The following SNTG1 variants were observed in gnomAD, a reference collection of about 807,000 sequenced individuals.
SNTG1 encodes syntrophin gamma 1.
In SNTG1, 39 loss-of-function variants were observed where a neutral mutation model predicts 74.7. The ratio of observed to expected loss-of-function variants is 0.52; its 90% CI spans 0.40 to 0.68. The LOEUF (loss-of-function observed/expected upper bound fraction) is 0.68, where lower values mean the gene tolerates loss of function less well. Among genes scored for constraint, SNTG1 ranks in the 30% least tolerant of loss-of-function variants. SNTG1 has a pLI of 0.00. For synonymous variants in SNTG1, 254 were observed against 217.1 expected (o/e 1.17, Z -1.49); for missense variants, 685 against 609.5 (o/e 1.12, Z -1.30).
chr8:50,023,466 A>T (rs558446927), intron 1 of SNTG1, among the ~76,000 whole-genome samples: 1 of 152,278 alleles, frequency 6.6e-6, no homozygotes, highest in South Asian at 2.1e-4. Context: ...ATAACTTTCC[A>T]ATCACAGTAG....
chr8:50,515,387 GTTTTTTTTTTTTT>G (rs34086906), intron 9 of SNTG1, among the ~76,000 whole-genome samples: 28 of 80,384 alleles, frequency 3.5e-4, no homozygotes, highest in Non-Finnish European at 4.9e-4. Flanking sequence ...AGCTGCAGGA[GTTTTTTTTTTTTT>G]TTTTTTTTTT....
chr8:50,341,260 T>C (rs1280856874), intron 2 of SNTG1, among the ~76,000 whole-genome samples: 1 of 151,916 alleles, frequency 6.6e-6, no homozygotes, highest in Admixed American at 6.6e-5. Flanking sequence ...TCAGTACTAT[T>C]AAAATAGGCA....
chr8:50,630,313 G>T (rs1000061546), intron 13 of SNTG1, among the ~76,000 whole-genome samples: 11 of 152,108 alleles, frequency 7.2e-5, no homozygotes, highest in African/African-American at 2.2e-4. Context: ...TTAGTTTAAG[G>T]TTTTTAAGAA....
intron 18 of SNTG1, among the ~76,000 whole-genome samples, chr8:50,760,744 C>T (rs975309655): frequency 6.6e-6 from 1 of 152,052 alleles, no homozygotes; most frequent in Non-Finnish European, 1.5e-5. Flanking sequence ...ACTATAAACA[C>T]CTCTATGCAA....
At chr8:50,427,081 C>T (rs2093172702) in intron 4 of SNTG1, among the ~76,000 whole-genome samples, 1 of 152,020 alleles carries the variant, frequency 6.6e-6, no homozygotes, top group Non-Finnish European at 1.5e-5. Context: ...GTCAATCCCC[C>T]ACAGATACTG....
intron 13 of SNTG1, among the ~76,000 whole-genome samples, chr8:50,630,773 T>C (rs1257310406): frequency 1.3e-5 from 2 of 152,208 alleles, no homozygotes; most frequent in Non-Finnish European, 2.9e-5. Context: ...TCTTTATTTA[T>C]GTGCAAGTGA....
chr8:49,945,659 A>C (rs1392303120), intron 1 of SNTG1, among the ~76,000 whole-genome samples: 1 of 152,172 alleles, frequency 6.6e-6, no homozygotes, highest in Non-Finnish European at 1.5e-5. Context: ...GGCCCAGGCT[A>C]AAGGGGCAGC....
At chr8:50,006,967 T>A (rs1392964552) in intron 1 of SNTG1, among the ~76,000 whole-genome samples, 1 of 152,126 alleles carries the variant, frequency 6.6e-6, no homozygotes, top group African/African-American at 2.4e-5. Context: ...CCTAGGGGAC[T>A]AAGTGGCTTC....
intron 1 of SNTG1, among the ~76,000 whole-genome samples, chr8:49,926,903 A>G (rs565672079): frequency 1.6e-4 from 24 of 152,330 alleles, no homozygotes; most frequent in South Asian, 6.2e-4. Context: ...ATAGGAAAAT[A>G]AACCAACCAA....
intron 1 of SNTG1, among the ~76,000 whole-genome samples, chr8:50,040,850 T>A (rs1438156098): frequency 2.0e-5 from 3 of 152,208 alleles, no homozygotes. Context: ...TGTTTAAAAG[T>A]GCCCTTATCT....
intron 18 of SNTG1, among the ~76,000 whole-genome samples, chr8:50,759,450 T>C (rs764562170): frequency 7.2e-5 from 11 of 152,104 alleles, no homozygotes; most frequent in Admixed American, 1.3e-4. Flanking sequence ...TAGGTCTTTG[T>C]TTAAATCTTT....
chr8:50,360,275 A>T (rs1287470398), intron 2 of SNTG1, among the ~76,000 whole-genome samples: 1 of 152,164 alleles, frequency 6.6e-6, no homozygotes, highest in Non-Finnish European at 1.5e-5. Flanking sequence ...CCCCATTTCC[A>T]AAATATTTTC....
chr8:50,221,452 TAA>T (rs1188016317), intron 2 of SNTG1, among the ~76,000 whole-genome samples: 1 of 149,290 alleles, frequency 6.7e-6, no homozygotes, highest in Non-Finnish European at 1.5e-5. Context: ...AGAATATTAA[TAA>T]AAAATAGAGA....
chr8:49,924,051 A>G (rs1177422318), intron 1 of SNTG1, among the ~76,000 whole-genome samples: 2 of 152,178 alleles, frequency 1.3e-5, no homozygotes, highest in Non-Finnish European at 2.9e-5. Flanking sequence ...GACATTCTGA[A>G]GGAAATTTTA....
chr8:49,996,330 A>G (rs78778642), intron 1 of SNTG1, among the ~76,000 whole-genome samples: 1,552 of 152,138 alleles, frequency 0.01, 26 homozygotes, highest in African/African-American at 0.035. Context: ...ATTATTCAAT[A>G]AGTGTATCAA....
chr8:50,494,290 G>C (rs1240152544), intron 8 of SNTG1, among the ~76,000 whole-genome samples: 1 of 151,822 alleles, frequency 6.6e-6, no homozygotes, highest in East Asian at 1.9e-4. Flanking sequence ...TTTCTCACTT[G>C]CTGAATTCCA....
At chr8:50,241,502 T>C (rs1049759696) in intron 2 of SNTG1, among the ~76,000 whole-genome samples, 6 of 152,226 alleles carry the variant, frequency 3.9e-5, no homozygotes, top group Non-Finnish European at 8.8e-5. Context: ...GCAATATTTC[T>C]ATGAATCTGT....
intron 15 of SNTG1, among the ~76,000 whole-genome samples, chr8:50,685,125 T>C (rs1471902479): frequency 6.6e-6 from 1 of 152,082 alleles, no homozygotes. Flanking sequence ...AATAAATCAG[T>C]AAGGATGCTA....
At chr8:49,993,369 G>GTTT (rs11453931) in intron 1 of SNTG1, among the ~76,000 whole-genome samples, 5 of 148,320 alleles carry the variant, frequency 3.4e-5, no homozygotes, top group African/African-American at 5.0e-5. Flanking sequence ...TTTTTCTGAG[G>GTTT]TTTTTTTTTT....
Sources: gnomAD v4.1 joint callset for allele counts (sites outside exome capture counted in the v4.1 genomes callset) on GRCh38, gnomAD v4.1.1 for gene constraint, MANE v1.5 for transcripts, NCBI Gene and HGNC (gene_info 2026-07-23, HGNC 2026-07-21) for gene names.